MCTP1: variants seen among roughly 807,000 people sequenced by gnomAD.
MCTP1 encodes multiple C2 and transmembrane domain containing 1, also known as multiple C2 and transmembrane domain-containing protein 1.
A neutral mutation model predicts 120.6 loss-of-function variants in MCTP1; 69 were observed. The observed-to-expected ratio is 0.57, with a 90% CI of 0.47 to 0.70. MCTP1 has a LOEUF of 0.70. Ranked by LOEUF, MCTP1 falls within the 30% of genes least tolerant of loss-of-function variation. The probability of loss-of-function intolerance (pLI) is 0.00; values close to 1 mark genes in which losing one functional copy is unlikely to be tolerated. For synonymous variants in MCTP1, 529 were observed against 493.1 expected, an observed-to-expected ratio of 1.07 and a Z score of -0.96; for missense variants, 1,203 against 1,248.8, an observed-to-expected ratio of 0.96 and a Z score of 0.55.
chr5:95,193,796 T>A (rs1750084295), intron 1 of MCTP1, among the ~76,000 whole-genome samples: 1 of 152,200 alleles, frequency 6.6e-6, no homozygotes, highest in African/African-American at 2.4e-5. Flanking sequence ...GTAGATAAAA[T>A]TTATCACTTT....
intron 1 of MCTP1, among the ~76,000 whole-genome samples, chr5:95,139,546 G>A (rs1400955773): frequency 6.6e-6 from 1 of 152,030 alleles, no homozygotes; most frequent in East Asian, 1.9e-4. Context: ...TTAGCCAAAG[G>A]AATTTTTAAA....
chr5:95,128,454 T>C (rs897509378), intron 1 of MCTP1, among the ~76,000 whole-genome samples: 1 of 152,236 alleles, frequency 6.6e-6, no homozygotes, highest in Non-Finnish European at 1.5e-5. Context: ...GTAAGTAGAA[T>C]GTGGTATACA....
At chr5:95,111,049 C>A (rs539697371) in intron 1 of MCTP1, among the ~76,000 whole-genome samples, 1 of 152,214 alleles carries the variant, frequency 6.6e-6, no homozygotes, top group South Asian at 2.1e-4. Context: ...GTGAAGGATT[C>A]ATTTGGAGAC....
At chr5:94,710,457 C>CA in intron 21 of MCTP1, 1 of 198,912 alleles carries the variant, frequency 5.0e-6, no homozygotes, top group Non-Finnish European at 1.0e-5. Flanking sequence ...AATACAACAG[C>CA]AAAAAAAGCA....
At chr5:95,238,680 CATG>C (rs1472441008) in intron 1 of MCTP1, among the ~76,000 whole-genome samples, 1 of 152,192 alleles carries the variant, frequency 6.6e-6, no homozygotes, top group Non-Finnish European at 1.5e-5. Flanking sequence ...TGGAACAATG[CATG>C]ATCACTAGTC....
rs543744280 is a variant in MCTP1, at chr5:94,921,937, G to T, written c.1272+2025C>A. 4.6e-5 allele frequency among the ~76,000 whole-genome samples: 7 copies of T among 152,316 alleles called. No individual in the cohort carries two copies. The East Asian group carries it at 1.3e-3, about 29-fold the overall frequency. On this transcript the variant is annotated intron_variant, in intron 7 of 22. Coordinates refer to ENST00000515393, the MANE Select transcript of MCTP1 (RefSeq NM_024717.7). ...AAACTCAAAGAGGGACTCTACTGCT[G>T]TAAGTTCTTCAAAACATTTATTTGT...
chr5:94,821,450 T>C (rs1262398148), intron 17 of MCTP1, among the ~76,000 whole-genome samples: 1 of 152,246 alleles, frequency 6.6e-6, no homozygotes, highest in Non-Finnish European at 1.5e-5. Context: ...CTCTGCATTT[T>C]ATGTGCCACC....
intron 3 of MCTP1, 21 bp from the exon 4 acceptor site, chr5:94,942,448 A>G (rs1817943674): frequency 2.5e-6 from 4 of 1,568,782 alleles, no homozygotes; most frequent in Non-Finnish European, 3.5e-6. Flanking sequence ...AAAGAGAAAA[A>G]GCCTTGTTAT....
chr5:94,755,781 ACTTCCTCTGCCTC>A (rs1277451295), intron 19 of MCTP1, among the ~76,000 whole-genome samples: 3 of 151,948 alleles, frequency 2.0e-5, no homozygotes, highest in African/African-American at 4.8e-5. Flanking sequence ...CTCATACTCA[ACTTCCTCTGCCTC>A]TGTAATAACT....
chr5:95,052,102 G>GT (rs1320778440), intron 1 of MCTP1, among the ~76,000 whole-genome samples: 1 of 152,168 alleles, frequency 6.6e-6, no homozygotes, highest in African/African-American at 2.4e-5. Flanking sequence ...GCAATTGCTT[G>GT]TAATATTAAG....
intron 12 of MCTP1, among the ~76,000 whole-genome samples, chr5:94,875,615 C>T (rs868190582): frequency 1.3e-5 from 2 of 151,766 alleles, no homozygotes; most frequent in African/African-American, 4.8e-5. Context: ...GGTGGTGGAA[C>T]GTGGTTAGAT....
intron 19 of MCTP1, among the ~76,000 whole-genome samples, chr5:94,768,147 T>C (rs1268443084): frequency 6.6e-6 from 1 of 151,964 alleles, no homozygotes; most frequent in African/African-American, 2.4e-5. Context: ...AGAGCATAAA[T>C]TGGGGAAAGG....
intron 12 of MCTP1, among the ~76,000 whole-genome samples, chr5:94,884,568 G>T (rs574762653): frequency 1.5e-5 from 2 of 136,364 alleles, no homozygotes; most frequent in South Asian, 5.3e-4. Context: ...GTCATGGGCC[G>T]GACCATCTAA....
At chr5:95,277,850 G>A (rs376931335) in intron 1 of MCTP1, among the ~76,000 whole-genome samples, 7 of 152,220 alleles carry the variant, frequency 4.6e-5, no homozygotes, top group African/African-American at 1.7e-4. Context: ...AAAATATCTC[G>A]AAAAGACTTC....
intron 4 of MCTP1, among the ~76,000 whole-genome samples, chr5:94,941,010 T>C (rs2153504895): frequency 6.6e-6 from 1 of 152,114 alleles, no homozygotes; most frequent in Middle Eastern, 3.4e-3. Context: ...ACATAAAATA[T>C]GTTATGTAGC....
chr5:94,774,316 C>T (rs891514812), intron 19 of MCTP1, among the ~76,000 whole-genome samples: 1 of 142,888 alleles, frequency 7.0e-6, no homozygotes, highest in Non-Finnish European at 1.5e-5. Context: ...AAGAGATTAT[C>T]TTTGATGGGC....
intron 1 of MCTP1, among the ~76,000 whole-genome samples, chr5:95,140,065 C>T (rs1461664878): frequency 6.6e-6 from 1 of 152,222 alleles, no homozygotes; most frequent in Non-Finnish European, 1.5e-5. Context: ...TTGACCTCTA[C>T]CTTCCAATGA....
At chr5:95,047,690 G>A (rs1369956290) in intron 1 of MCTP1, among the ~76,000 whole-genome samples, 9 of 152,030 alleles carry the variant, frequency 5.9e-5, no homozygotes, top group Non-Finnish European at 7.4e-5. Flanking sequence ...CTAATGCCTA[G>A]CTAAGGTATT....
intron 1 of MCTP1, among the ~76,000 whole-genome samples, chr5:95,217,572 G>C (rs1320426321): frequency 6.6e-6 from 1 of 152,128 alleles, no homozygotes; most frequent in African/African-American, 2.4e-5. Flanking sequence ...CTCCCATGAA[G>C]TCAGACAACA....
Sources: allele counts gnomAD v4.1 joint callset (sites outside exome capture counted in the v4.1 genomes callset), GRCh38; gene constraint gnomAD v4.1.1; transcripts MANE v1.5; gene names NCBI Gene and HGNC (gene_info 2026-07-23, HGNC 2026-07-21).